Variants in SPOCK3 observed in about 807,000 individuals in gnomAD.
SPOCK3 encodes testican-3.
In SPOCK3, 30 loss-of-function variants were observed where a neutral mutation model predicts 56.6. That is an observed-to-expected ratio of 0.53 (90% CI 0.40 to 0.72). SPOCK3 has a LOEUF of 0.72. Among genes scored for constraint, SPOCK3 ranks in the 30% least tolerant of loss-of-function variants. SPOCK3 has a pLI of 0.00. For missense variants in SPOCK3, 527 were observed against 530.0 expected, an observed-to-expected ratio of 0.99 and a Z score of 0.06; for synonymous variants, 196 against 183.3, an observed-to-expected ratio of 1.07 and a Z score of -0.56.
In SPOCK3 at chr4:166,900,238, G is replaced by A. The variant is rs558472957; in HGVS notation, c.475-10994C>T. 5.3e-5 allele frequency among the ~76,000 whole-genome samples: 8 copies of A among 152,256 alleles called. No individual in the cohort carries two copies. The South Asian group carries it at 1.2e-3, about 24-fold the overall frequency. ...GGGCTATTTGCACTCTGACAACAGTGCACTTTTTATCACCTAATCTACTCA... is the reference window on the plus strand; with the variant it reads ...GGGCTATTTGCACTCTGACAACAGTACACTTTTTATCACCTAATCTACTCA... On this transcript the variant is annotated intron_variant, in intron 5 of 10. Coordinates refer to ENST00000357545, the MANE Select transcript of SPOCK3 (RefSeq NM_001040159.2).
At chr4:166,943,919 G>A (rs537300394) in intron 4 of SPOCK3, among the ~76,000 whole-genome samples, 2 of 152,334 alleles carry the variant, frequency 1.3e-5, no homozygotes, top group East Asian at 3.9e-4. Context: ...GCCAAGGTGG[G>A]CAGATCACTT....
intron 7 of SPOCK3, among the ~76,000 whole-genome samples, chr4:166,789,943 T>C (rs1318626765): frequency 6.6e-6 from 1 of 152,184 alleles, no homozygotes; most frequent in African/African-American, 2.4e-5. Flanking sequence ...CTTGTAATCT[T>C]TCTCACAGAA....
chr4:166,811,987 T>C (rs1428755983), intron 6 of SPOCK3, among the ~76,000 whole-genome samples: 1 of 151,858 alleles, frequency 6.6e-6, no homozygotes, highest in East Asian at 1.9e-4. Flanking sequence ...ACTCTCAGAA[T>C]TAAAGATCTG....
intron 7 of SPOCK3, among the ~76,000 whole-genome samples, chr4:166,778,497 T>A (rs1024563271): frequency 5.3e-5 from 8 of 152,192 alleles, no homozygotes; most frequent in African/African-American, 1.7e-4. Flanking sequence ...ACTGTCAGAT[T>A]TGGCGAGGGG....
intron 8 of SPOCK3, among the ~76,000 whole-genome samples, chr4:166,753,655 C>G (rs1380987986): frequency 6.6e-6 from 1 of 151,942 alleles, no homozygotes. Flanking sequence ...TGTAAAGTAT[C>G]TTGTTCTTTC....
intron 2 of SPOCK3, among the ~76,000 whole-genome samples, chr4:167,208,736 GA>G (rs1374670373): frequency 6.6e-5 from 10 of 151,754 alleles, no homozygotes; most frequent in African/African-American, 9.7e-5. Context: ...AAAAATATGA[GA>G]AAATATTTCT....
intron 6 of SPOCK3, among the ~76,000 whole-genome samples, chr4:166,875,429 G>A (rs1732973612): frequency 6.6e-6 from 1 of 151,992 alleles, no homozygotes. Context: ...AATATTAGAA[G>A]CTAGAAGACA....
chr4:167,068,779 A>C (rs1366474755), intron 2 of SPOCK3, among the ~76,000 whole-genome samples: 1 of 151,942 alleles, frequency 6.6e-6, no homozygotes, highest in Non-Finnish European at 1.5e-5. Flanking sequence ...AGTGGTACAC[A>C]GCTTGTGACT....
At chr4:166,796,033 C>G (rs1308730730) in intron 6 of SPOCK3, among the ~76,000 whole-genome samples, 2 of 152,164 alleles carry the variant, frequency 1.3e-5, no homozygotes, top group African/African-American at 4.8e-5. Context: ...TTCTCCCCTT[C>G]CACCATGTCA....
chr4:166,802,233 T>C (rs964726246), intron 6 of SPOCK3, among the ~76,000 whole-genome samples: 19 of 151,818 alleles, frequency 1.3e-4, no homozygotes, highest in African/African-American at 4.6e-4. Flanking sequence ...TAAAGATCAA[T>C]GAATAAAGAC....
At chr4:167,084,030 C>G (rs1757959271) in intron 2 of SPOCK3, among the ~76,000 whole-genome samples, 1 of 151,986 alleles carries the variant, frequency 6.6e-6, no homozygotes, top group South Asian at 2.1e-4. Flanking sequence ...GGAGAATAAT[C>G]CTTGGTTTGC....
At chr4:167,053,664 G>A (rs1295637929) in intron 3 of SPOCK3, among the ~76,000 whole-genome samples, 15 of 151,928 alleles carry the variant, frequency 9.9e-5, no homozygotes, top group African/African-American at 3.4e-4. Context: ...CAGCCTGGGC[G>A]ACAGAGTGAG....
chr4:166,967,474 A>G (rs1261882199), intron 4 of SPOCK3, among the ~76,000 whole-genome samples: 3 of 152,130 alleles, frequency 2.0e-5, no homozygotes, highest in Admixed American at 1.3e-4. Flanking sequence ...TGTTCTCATG[A>G]TAGTGAGTTA....
chr4:167,166,424 C>T (rs1765768697), intron 2 of SPOCK3, among the ~76,000 whole-genome samples: 1 of 151,904 alleles, frequency 6.6e-6, no homozygotes. Context: ...TCTTTTTGTA[C>T]TGTACTAAAA....
chr4:166,921,473 C>A (rs138190074), intron 4 of SPOCK3, among the ~76,000 whole-genome samples: 42 of 152,172 alleles, frequency 2.8e-4, no homozygotes, highest in African/African-American at 8.2e-4. Context: ...CACGCCACCA[C>A]GCTCAGCTAA....
At chr4:167,014,765 T>TCACA (rs145127893) in intron 3 of SPOCK3, among the ~76,000 whole-genome samples, 6 of 149,566 alleles carry the variant, frequency 4.0e-5, no homozygotes, top group African/African-American at 1.5e-4. Flanking sequence ...ATACACACAC[T>TCACA]CACACACACA....
chr4:166,869,425 G>T (rs766295786), intron 6 of SPOCK3, among the ~76,000 whole-genome samples: 3 of 151,922 alleles, frequency 2.0e-5, no homozygotes, highest in Non-Finnish European at 4.4e-5. Context: ...TGTGCTCTTG[G>T]TTTCCAGAAA....
Position 166,735,076 on chromosome 4 carries a change from T to G in SPOCK3, c.1147A>C (p.Ile383Leu), listed in dbSNP as rs749392150. Residue 383 changes from isoleucine to leucine, a missense_variant, in exon 11 of 11, where the codon ATC becomes CTC. By Grantham distance (5) the Ile-to-Leu change is conservative. Coordinates refer to ENST00000357545, the MANE Select transcript of SPOCK3 (RefSeq NM_001040159.2). ...TCGCCACTAGCAAAATCTCCGGAGATCTCAAAATCTATAGCTTAAAACAAG... is the reference window on the plus strand; with the variant it reads ...TCGCCACTAGCAAAATCTCCGGAGAGCTCAAAATCTATAGCTTAAAACAAG... ...GVADCAIDFE[I>L]SGDFASGDFH... is the part of the protein sequence containing the mutation. 6.2e-7 allele frequency: 1 copy of G among 1,602,534 alleles called. No homozygotes were observed. Among genetic ancestry groups the G allele is most frequent in the Non-Finnish European group, 8.5e-7 (1 of 1,173,148 alleles).
At chr4:166,786,401 G>A (rs76405737) in intron 7 of SPOCK3, among the ~76,000 whole-genome samples, 2,088 of 152,258 alleles carry the variant, frequency 0.014, 14 homozygotes, top group Middle Eastern at 0.031. Flanking sequence ...AATGAAGTTA[G>A]AGAGTATGCT....
Sources: gnomAD v4.1 joint callset for allele counts (sites outside exome capture counted in the v4.1 genomes callset) on GRCh38, gnomAD v4.1.1 for gene constraint, MANE v1.5 for transcripts, NCBI Gene and HGNC (gene_info 2026-07-23, HGNC 2026-07-21) for gene names.